Variants in FOCAD observed in about 807,000 individuals in gnomAD.
FOCAD encodes the protein focadhesin, also known as KIAA1797.
In FOCAD, 198 loss-of-function variants were observed where a neutral mutation model predicts 225.6. The ratio of observed to expected loss-of-function variants is 0.88; its 90% CI spans 0.78 to 0.99. The LOEUF is 0.99. Among genes scored for constraint, FOCAD ranks in the 50% least tolerant of loss-of-function variants. The probability of loss-of-function intolerance (pLI) is 0.00; values close to 1 mark genes in which losing one functional copy is unlikely to be tolerated. For missense variants in FOCAD, 2,713 were observed against 2,123.6 expected, an observed-to-expected ratio of 1.28 and a Z score of -5.46; for synonymous variants, 897 against 755.0, an observed-to-expected ratio of 1.19 and a Z score of -3.08.
At chr9:20,973,698 G>A (rs878986351) in intron 35 of FOCAD, among the ~76,000 whole-genome samples, 1 of 150,848 alleles carries the variant, frequency 6.6e-6, no homozygotes, top group African/African-American at 2.4e-5. Context: ...TGCTGACTCT[G>A]CCCTACTTCC....
At chr9:20,749,119 C>T (rs1352543037) in intron 5 of FOCAD, among the ~76,000 whole-genome samples, 1 of 152,072 alleles carries the variant, frequency 6.6e-6, no homozygotes, top group Admixed American at 6.6e-5. Flanking sequence ...TTACTTTGTA[C>T]TTAAAATAGT....
chr9:20,716,162 A>C, intron 2 of FOCAD: 1 of 472,280 alleles, frequency 2.1e-6, no homozygotes. Context: ...TCCTTATGCA[A>C]GATTCCCTTC....
chr9:20,832,001 C>T (rs555610425), intron 15 of FOCAD, among the ~76,000 whole-genome samples: 123 of 152,134 alleles, frequency 8.1e-4, no homozygotes, highest in Non-Finnish European at 1.3e-3. Flanking sequence ...TTTCAAGGTT[C>T]ATTCTTGTGG....
chr9:20,696,621 T>C (rs1823390088), intron 1 of FOCAD, among the ~76,000 whole-genome samples: 1 of 152,076 alleles, frequency 6.6e-6, no homozygotes, highest in South Asian at 2.1e-4. Flanking sequence ...CTGGGCAACA[T>C]GGCAAAACCT....
At chr9:20,956,784 CA>C (rs1838172498) in intron 35 of FOCAD, among the ~76,000 whole-genome samples, 1 of 152,146 alleles carries the variant, frequency 6.6e-6, no homozygotes. Context: ...CATGACTCTA[CA>C]GCTATTATCA....
intron 5 of FOCAD, 117 bp from the exon 6 acceptor site, chr9:20,757,973 T>G: frequency 2.0e-6 from 1 of 503,658 alleles, no homozygotes; most frequent in African/African-American, 2.0e-5. Flanking sequence ...GTGACAATTA[T>G]GAATCGTGAA....
chr9:20,687,586 A>T lies in FOCAD; in HGVS notation c.-33+3293A>T, dbSNP rs1265468812. ...CCTGATTTTAGTATATGCTATTAGG[A>T]CATACACGTGGAGAAGAATGGAGGA... On this transcript the variant is annotated intron_variant, in intron 1 of 43. Transcript: ENST00000338382. 1.3e-5 allele frequency among the ~76,000 whole-genome samples: 2 copies of T among 152,232 alleles called. 1 individual carries two copies. The highest frequency in any genetic ancestry group is 2.9e-5 in the Non-Finnish European group (2 of 68,050).
intron 24 of FOCAD, among the ~76,000 whole-genome samples, chr9:20,918,446 G>A (rs559033194): frequency 7.4e-4 from 113 of 152,266 alleles, no homozygotes; most frequent in African/African-American, 2.6e-3. Flanking sequence ...CAAAGTGGCC[G>A]GGCGCGGTGG....
intron 28 of FOCAD, among the ~76,000 whole-genome samples, chr9:20,935,743 T>C (rs1835886852): frequency 6.6e-6 from 1 of 152,208 alleles, no homozygotes; most frequent in African/African-American, 2.4e-5. Context: ...TGAATTTGAT[T>C]GGGCTAAGAG....
chr9:20,858,988 G>T (rs569524246), intron 15 of FOCAD, among the ~76,000 whole-genome samples: 1 of 152,112 alleles, frequency 6.6e-6, no homozygotes, highest in East Asian at 1.9e-4. Context: ...TTTTAGACTT[G>T]TTTTGTGGTC....
chr9:20,705,107 T>TG (rs1286754489), intron 1 of FOCAD, among the ~76,000 whole-genome samples: 1 of 152,210 alleles, frequency 6.6e-6, no homozygotes, highest in African/African-American at 2.4e-5. Context: ...CGGGTTACTG[T>TG]GGGGGTTGAA....
upstream of FOCAD, among the ~76,000 whole-genome samples, chr9:20,655,878 A>G (rs963881739): frequency 2.6e-5 from 4 of 151,886 alleles, no homozygotes; most frequent in African/African-American, 9.7e-5. Context: ...TAGGGTGTCA[A>G]TTTTAGATCT....
intron 28 of FOCAD, among the ~76,000 whole-genome samples, chr9:20,934,151 C>G (rs1332606444): frequency 6.6e-6 from 1 of 152,134 alleles, no homozygotes; most frequent in Admixed American, 6.6e-5. Flanking sequence ...TTCGCCCACT[C>G]TGTGGGTTGT....
At chr9:20,899,874 C>T (rs1166120916) in intron 21 of FOCAD, among the ~76,000 whole-genome samples, 6 of 151,832 alleles carry the variant, frequency 4.0e-5, no homozygotes, top group Admixed American at 3.9e-4. Flanking sequence ...TGGGTTTGGC[C>T]TGACATACCA....
intron 11 of FOCAD, among the ~76,000 whole-genome samples, chr9:20,812,135 A>G (rs1389530838): frequency 6.6e-6 from 1 of 152,072 alleles, no homozygotes; most frequent in African/African-American, 2.4e-5. Context: ...ATTCAGGTCT[A>G]GTTTTATAAA....
intron 21 of FOCAD, among the ~76,000 whole-genome samples, chr9:20,902,902 A>T (rs147627564): frequency 6.6e-6 from 1 of 152,090 alleles, no homozygotes; most frequent in East Asian, 1.9e-4. Flanking sequence ...AAAGTCTAAT[A>T]GATGGTGAGA....
chr9:20,725,501 A>G (rs1326817406), intron 4 of FOCAD, among the ~76,000 whole-genome samples: 1 of 152,234 alleles, frequency 6.6e-6, no homozygotes, highest in Non-Finnish European at 1.5e-5. Flanking sequence ...TGTTTAGAGA[A>G]TGTAGCTTAT....
At chr9:20,793,088 A>G (rs1820703960) in intron 11 of FOCAD, among the ~76,000 whole-genome samples, 1 of 152,188 alleles carries the variant, frequency 6.6e-6, no homozygotes, top group Admixed American at 6.5e-5. Flanking sequence ...GGCTACCTGT[A>G]TTCTTCACAC....
chr9:20,776,126 A>G lies in FOCAD; in HGVS notation c.907-2555A>G, dbSNP rs114007300. 7.6e-3 allele frequency among the ~76,000 whole-genome samples: 1,164 copies of G among 152,328 alleles called. 8 individuals carry two copies. The highest frequency in any genetic ancestry group is 0.026 in the African/African-American group (1,086 of 41,564). On this transcript the variant is annotated intron_variant, in intron 8 of 43. Coordinates refer to ENST00000338382, the MANE Select transcript of FOCAD (RefSeq NM_001375567.1). ...AGGCATCATCAAGTAGGCTACTGCTACTAGTTGCTTGATCCCACAGAATCT... is the reference window on the plus strand; with the variant it reads ...AGGCATCATCAAGTAGGCTACTGCTGCTAGTTGCTTGATCCCACAGAATCT...
Sources: allele counts gnomAD v4.1 joint callset (sites outside exome capture counted in the v4.1 genomes callset), GRCh38; gene constraint gnomAD v4.1.1; transcripts MANE v1.5; gene names NCBI Gene and HGNC (gene_info 2026-07-23, HGNC 2026-07-21).